GRID1: variants seen among roughly 807,000 people sequenced by gnomAD.
GRID1 encodes glutamate receptor ionotropic, delta-1.
Under a neutral mutation model 98.0 loss-of-function variants are expected in GRID1, and 28 were observed. The ratio of observed to expected loss-of-function variants is 0.29; its 90% CI spans 0.21 to 0.39. The LOEUF is 0.39. Among genes scored for constraint, GRID1 ranks in the 10% least tolerant of loss-of-function variants. The probability of loss-of-function intolerance (pLI) is 1.00; values close to 1 mark genes in which losing one functional copy is unlikely to be tolerated. For missense variants in GRID1, 1,111 were observed against 1,340.5 expected, an observed-to-expected ratio of 0.83 and a Z score of 2.67; for synonymous variants, 553 against 538.5, an observed-to-expected ratio of 1.03 and a Z score of -0.37.
intron 5 of GRID1, among the ~76,000 whole-genome samples, chr10:85,882,450 T>G (rs1841046170): frequency 6.6e-6 from 1 of 151,954 alleles, no homozygotes; most frequent in African/African-American, 2.4e-5. Context: ...GCCATAAAAA[T>G]GATGAGTTCA....
In GRID1 at chr10:86,366,078, G is replaced by T. The variant is rs770651226; in HGVS notation, c.79+236C>A. Among the ~76,000 whole-genome samples, 1 of 152,046 alleles carries T rather than the reference G, an allele frequency of 6.6e-6. No individual in the cohort carries two copies. The highest frequency in any genetic ancestry group is 2.4e-5 in the African/African-American group (1 of 41,440). On this transcript the variant is annotated intron_variant, in intron 1 of 15. Transcript: ENST00000327946. The surrounding 1 kb of genome is among the most constrained non-coding windows in gnomAD (Gnocchi z 4.1). ...CCCCGAAGCGTCGGCCCTAAGTGTC[G>T]GTAGAGGCCGCGGGGCCCCGCGCGG...
At chr10:85,996,753 C>T (rs1006107724) in intron 4 of GRID1, among the ~76,000 whole-genome samples, 2 of 149,752 alleles carry the variant, frequency 1.3e-5, no homozygotes, top group Non-Finnish European at 3.0e-5. Context: ...CGCTTGAACC[C>T]AGGAGGTAGA....
intron 4 of GRID1, among the ~76,000 whole-genome samples, chr10:86,134,513 T>C (rs11201894): frequency 0.043 from 6,500 of 152,260 alleles, 150 homozygotes; most frequent in Non-Finnish European, 0.054. Flanking sequence ...ATGTAAACTG[T>C]AGGGCGTTAA....
intron 8 of GRID1, among the ~76,000 whole-genome samples, chr10:85,774,271 T>A (rs1842305827): frequency 6.6e-6 from 1 of 152,196 alleles, no homozygotes; most frequent in Non-Finnish European, 1.5e-5. Context: ...TGGCTAGCCA[T>A]ATGTAGAAGG....
intron 15 of GRID1, among the ~76,000 whole-genome samples, chr10:85,607,491 G>A (rs1842683250): frequency 1.3e-5 from 2 of 152,296 alleles, no homozygotes; most frequent in Admixed American, 1.3e-4. Context: ...CCGGGCTAGG[G>A]GTCTGAGAGT....
At chr10:85,812,600 C>A (rs1025552875) in intron 8 of GRID1, among the ~76,000 whole-genome samples, 1 of 151,988 alleles carries the variant, frequency 6.6e-6, no homozygotes, top group Non-Finnish European at 1.5e-5. Context: ...CATTACAGCC[C>A]AGCCCTTCTG....
chr10:86,072,641 G>A (rs1412359874), intron 4 of GRID1, among the ~76,000 whole-genome samples: 1 of 152,188 alleles, frequency 6.6e-6, no homozygotes, highest in Admixed American at 6.5e-5. Flanking sequence ...AAAGCCCAAG[G>A]GAGCTCGGTC....
intron 4 of GRID1, among the ~76,000 whole-genome samples, chr10:85,920,782 C>G (rs1398193866): frequency 6.6e-6 from 1 of 152,192 alleles, no homozygotes; most frequent in African/African-American, 2.4e-5. Context: ...GGGGGCCGGC[C>G]TTCTGCTCAG....
At chr10:85,763,264 C>T (rs1842166443) in intron 8 of GRID1, among the ~76,000 whole-genome samples, 1 of 152,160 alleles carries the variant, frequency 6.6e-6, no homozygotes, top group Admixed American at 6.6e-5. Context: ...CACCCATCTG[C>T]CCAAGGATGC....
chr10:85,898,156 G>A (rs137872950), intron 5 of GRID1, among the ~76,000 whole-genome samples: 1 of 152,144 alleles, frequency 6.6e-6, no homozygotes, highest in Non-Finnish European at 1.5e-5. Context: ...GACTATTGCA[G>A]GCAACTGTAA....
intron 2 of GRID1, among the ~76,000 whole-genome samples, chr10:86,230,094 G>A (rs371798470): frequency 1.1e-4 from 17 of 152,208 alleles, no homozygotes; most frequent in African/African-American, 3.1e-4. Flanking sequence ...TCCTCCTCCC[G>A]GCCTTAGCCC....
intron 3 of GRID1, among the ~76,000 whole-genome samples, chr10:86,157,969 A>G (rs1241302837): frequency 2.0e-5 from 3 of 152,234 alleles, no homozygotes; most frequent in Non-Finnish European, 4.4e-5. Context: ...CCCCTGGAGC[A>G]TGGAACCAGC....
intron 4 of GRID1, among the ~76,000 whole-genome samples, chr10:86,074,102 T>G (rs1266609876): frequency 3.5e-5 from 5 of 141,098 alleles, no homozygotes; most frequent in Non-Finnish European, 6.3e-5. Flanking sequence ...ACTTTCTTTT[T>G]TATTATTTTC....
intron 5 of GRID1, among the ~76,000 whole-genome samples, chr10:85,893,873 G>T (rs1005683440): frequency 6.6e-6 from 1 of 152,130 alleles, no homozygotes; most frequent in African/African-American, 2.4e-5. Flanking sequence ...GGAAATGCAG[G>T]GCCTCAACTA....
intron 8 of GRID1, among the ~76,000 whole-genome samples, chr10:85,751,483 C>G (rs2132686670): frequency 6.6e-6 from 1 of 152,272 alleles, no homozygotes; most frequent in South Asian, 2.1e-4. Flanking sequence ...AGATAGCCCT[C>G]ATCACATCAA....
chr10:86,249,704 C>T (rs998846131), intron 2 of GRID1, among the ~76,000 whole-genome samples: 1 of 152,210 alleles, frequency 6.6e-6, no homozygotes, highest in Non-Finnish European at 1.5e-5. Flanking sequence ...CTCCCTCAAC[C>T]ATCACTTTGC....
intron 8 of GRID1, among the ~76,000 whole-genome samples, chr10:85,785,497 T>C (rs1364466031): frequency 2.0e-5 from 3 of 152,192 alleles, no homozygotes; most frequent in Non-Finnish European, 2.9e-5. Flanking sequence ...TGGCAGGCTT[T>C]GGGTTCCCCT....
intron 4 of GRID1, among the ~76,000 whole-genome samples, chr10:85,934,490 C>A (rs1166197839): frequency 2.0e-5 from 3 of 151,596 alleles, no homozygotes; most frequent in Non-Finnish European, 4.4e-5. Flanking sequence ...AAATGACACA[C>A]CTCCAGGCTA....
chr10:86,178,613 C>A (rs561053924), intron 3 of GRID1, among the ~76,000 whole-genome samples: 1 of 151,848 alleles, frequency 6.6e-6, no homozygotes, highest in Non-Finnish European at 1.5e-5. Flanking sequence ...CTCGTGCATC[C>A]ACCCCGGGGC....
Sources: allele counts gnomAD v4.1 joint callset (sites outside exome capture counted in the v4.1 genomes callset), GRCh38; gene constraint gnomAD v4.1.1; non-coding constraint Gnocchi (gnomAD v3.1); transcripts MANE v1.5; gene names NCBI Gene and HGNC (gene_info 2026-07-23, HGNC 2026-07-21).